Variants in GCM2 observed in about 807,000 individuals in gnomAD.
The protein encoded by GCM2 is GCM transcription factor 2.
Under a neutral mutation model 24.8 loss-of-function variants are expected in GCM2, and 21 were observed. The observed-to-expected ratio is 0.85, with a 90% CI of 0.60 to 1.22. The LOEUF is 1.22. Ranked by LOEUF, GCM2 falls within the 50% of genes most tolerant of loss-of-function variation. GCM2 has a pLI of 0.00. For synonymous variants in GCM2, 222 were observed against 238.0 expected, an observed-to-expected ratio of 0.93 and a Z score of 0.62; for missense variants, 532 against 645.6, an observed-to-expected ratio of 0.82 and a Z score of 1.91.
Position 10,877,404 on chromosome 6 carries a change from C to A in GCM2, c.91-12G>T. On this transcript the variant is annotated splice_polypyrimidine_tract_variant and intron_variant, in intron 1 of 4. Transcript: ENST00000379491. ...AAGAGGGCCAGCTCCTGGAAGAGTG[C>A]AGAAGGAAGGGTGGTCAGTCTATCC... 1 of 1,614,058 alleles carries A rather than the reference C, an allele frequency of 6.2e-7. No individual in the cohort carries two copies. Among genetic ancestry groups the A allele is most frequent in the Non-Finnish European group, 8.5e-7 (1 of 1,179,952 alleles).
intron 1 of GCM2, among the ~76,000 whole-genome samples, chr6:10,879,078 AGATATTGTT>A (rs1375106796): frequency 6.6e-6 from 1 of 152,230 alleles, no homozygotes; most frequent in Non-Finnish European, 1.5e-5. Context: ...AAAATTACAA[AGATATTGTT>A]GAAATCATTA....
At position 10,874,253 on chromosome 6, in the gene GCM2, A is replaced by C. The variant is rs1466832750; in HGVS notation, c.1263T>G (p.Thr421=). 2 of 1,614,204 alleles carry C rather than the reference A, an allele frequency of 1.2e-6. No individual in the cohort carries two copies. Among genetic ancestry groups the C allele is most frequent in the Admixed American group, 1.7e-5 (1 of 60,032 alleles). The change falls in exon 5 of 5, where the codon ACT becomes ACG. Residue 421 remains threonine (T), a synonymous_variant. Transcript: ENST00000379491. ...AGGGTTCTGGATAGACAGACATCCC[A>C]GTATCTTCAGGAGCATAGTTACAGC... ...LSSCNYAPED[T]GMSVYPEPWG...
intron 1 of GCM2, among the ~76,000 whole-genome samples, chr6:10,877,667 G>A (rs1202966555): frequency 6.6e-6 from 1 of 152,126 alleles, no homozygotes; most frequent in Non-Finnish European, 1.5e-5. Context: ...TGCCGATGAG[G>A]ACATGGAGGC....
intron 1 of GCM2, among the ~76,000 whole-genome samples, chr6:10,878,526 C>G (rs976568976): frequency 6.6e-6 from 1 of 152,052 alleles, no homozygotes; most frequent in African/African-American, 2.4e-5. Flanking sequence ...ACCATGTTGG[C>G]CAGGATGGTC....
rs150947820 is a variant in GCM2, at chr6:10,874,962, C to T, written c.583-29G>A. The T allele has an allele frequency of 4.5e-4, 656 of 1,473,932 alleles. 4 individuals carry two copies. The East Asian group carries it at 4.5e-3, about 10-fold the overall frequency. The allele number at this position is 1,473,932 out of a possible 1,614,324, so 91.3% of individuals were successfully genotyped here. A position where few individuals can be genotyped will look rare whatever the true frequency, so the allele number is the denominator to read the frequency against. On this transcript the variant is annotated intron_variant, in intron 4 of 4. Coordinates refer to ENST00000379491, the MANE Select transcript of GCM2 (RefSeq NM_004752.4). ...GAAAAATGATACAAACATAGACACA[C>T]GCTATGTAAATCGTGTGGACACCCT...
chr6:10,877,548 C>T (rs1779902122), intron 1 of GCM2, among the ~76,000 whole-genome samples, 156 bp from the exon 2 acceptor site: 1 of 152,236 alleles, frequency 6.6e-6, no homozygotes, highest in Non-Finnish European at 1.5e-5. Flanking sequence ...TGTAAGACTT[C>T]CTGACAACCA....
chr6:10,881,836 TA>T lies in GCM2; in HGVS notation c.-44del. The T allele has an allele frequency of 1.3e-6, 2 of 1,549,796 alleles. No homozygotes were observed. Among genetic ancestry groups the T allele is most frequent in the Non-Finnish European group, 8.8e-7 (1 of 1,133,266 alleles). ...GCTTTCCGCCCAGGGTTCTGAAAAA[TA>T]GAAGAAAAAAGGACAGGTGCGCCAG... On this transcript the variant is annotated 5_prime_UTR_variant, in exon 1 of 5. Coordinates refer to ENST00000379491, the MANE Select transcript of GCM2 (RefSeq NM_004752.4).
rs768610912 is a variant in GCM2 at position 10,877,175 on chromosome 6, G to A, written c.308C>T (p.Pro103Leu). The A allele has an allele frequency of 3.1e-6, 5 of 1,613,386 alleles. No homozygotes were observed. Among genetic ancestry groups the A allele is most frequent in the East Asian group, 2.2e-5 (1 of 44,894 alleles). ...LPDGSRLQLR[P>L]AICDKARLKQ... is the part of the protein sequence containing the mutation. Reference sequence around the variant, plus strand: ...CAGCCGTGCCTTGTCGCAGATGGCCGGCCTCAGCTGCAGGCGGGAACCGTC... The same window carrying A: ...CAGCCGTGCCTTGTCGCAGATGGCCAGCCTCAGCTGCAGGCGGGAACCGTC... Residue 103 changes from proline (P) to leucine (L), a missense_variant, in exon 2 of 5, where the codon CCG becomes CTG. Physicochemically the swap from Pro to Leu is moderately conservative, Grantham distance 98. Transcript: ENST00000379491.
chr6:10,877,403 G>A lies in GCM2; in HGVS notation c.91-11C>T, dbSNP rs184411078. ...AAAGAGGGCCAGCTCCTGGAAGAGTGCAGAAGGAAGGGTGGTCAGTCTATC... is the reference window on the plus strand; with the variant it reads ...AAAGAGGGCCAGCTCCTGGAAGAGTACAGAAGGAAGGGTGGTCAGTCTATC... On this transcript the variant is annotated splice_polypyrimidine_tract_variant and intron_variant, in intron 1 of 4. Transcript: ENST00000379491. 233 of 1,614,066 alleles carry A rather than the reference G, an allele frequency of 1.4e-4. No individual in the cohort carries two copies. The African/African-American group carries it at 2.4e-3, about 17-fold the overall frequency.
At chr6:10,877,583 G>A (rs1779902603) in intron 1 of GCM2, among the ~76,000 whole-genome samples, 191 bp from the exon 2 acceptor site, 1 of 152,200 alleles carries the variant, frequency 6.6e-6, no homozygotes, top group African/African-American at 2.4e-5. Context: ...TTTATATAGT[G>A]CTTATCTGTT....
intron 4 of GCM2, among the ~76,000 whole-genome samples, chr6:10,875,403 C>G (rs1451303907): frequency 6.6e-6 from 1 of 152,160 alleles, no homozygotes; most frequent in African/African-American, 2.4e-5. Flanking sequence ...AGACCAGTGC[C>G]TGGCACATAG....
At chr6:10,876,890 C>T (rs1288393230) in intron 2 of GCM2, among the ~76,000 whole-genome samples, 1 of 152,104 alleles carries the variant, frequency 6.6e-6, no homozygotes, top group Non-Finnish European at 1.5e-5. Flanking sequence ...ATGGAGAAAC[C>T]CTGTCTCTAC....
chr6:10,874,373 G>A lies in GCM2; in HGVS notation c.1143C>T (p.Thr381=), dbSNP rs371580994. 46 of 1,614,110 alleles carry A rather than the reference G, an allele frequency of 2.8e-5. No homozygotes were observed. The highest frequency in any genetic ancestry group is 4.5e-5 in the East Asian group (2 of 44,900). Residue 381 remains threonine (T), a synonymous_variant, in exon 5 of 5, where the codon ACC becomes ACT. Transcript: ENST00000379491. ...TPPPGAPALQ[T]VITTTTKVSY... is the part of the protein sequence containing the mutation. ...ACACTTTAGTGGTGGTGGTGATCAC[G>A]GTTTGTAGGGCAGGGGCACCTGGTG...
At chr6:10,876,849 A>G (rs897060206) in intron 2 of GCM2, among the ~76,000 whole-genome samples, 16 of 152,300 alleles carry the variant, frequency 1.1e-4, no homozygotes, top group African/African-American at 3.8e-4. Flanking sequence ...AGATCACCTG[A>G]TGTCGGGAGT....
rs1057519582 is a variant in GCM2 at position 10,874,380 on chromosome 6, A to T, written c.1136T>A (p.Leu379Gln). 1 of 1,614,178 alleles carries T rather than the reference A, an allele frequency of 6.2e-7. No homozygotes were observed. Among genetic ancestry groups the T allele is most frequent in the Non-Finnish European group, 8.5e-7 (1 of 1,180,018 alleles). ...LTTPPPGAPALQTVITTTTKV... is the reference protein window; with the variant it reads ...LTTPPPGAPAQQTVITTTTKV... ...AGTGGTGGTGGTGATCACGGTTTGT[A>T]GGGCAGGGGCACCTGGTGGTGGAGT... Residue 379 changes from leucine (L) to glutamine (Q), a missense_variant, in exon 5 of 5, where the codon CTA becomes CAA. This residue lies in a region of GCM2 where 434 missense variants were observed against 521.9 expected (regional missense o/e 0.83). Transcript: ENST00000379491.
At chr6:10,875,083 C>T (rs1779858339) in intron 4 of GCM2, 150 bp from the exon 5 acceptor site, 4 of 691,822 alleles carry the variant, frequency 5.8e-6, no homozygotes, top group South Asian at 3.2e-5. Flanking sequence ...GTGATGTAAG[C>T]ACGTGGTCCA....
At chr6:10,875,038 G>A (rs1779857449) in intron 4 of GCM2, 105 bp from the exon 5 acceptor site, 1 of 846,522 alleles carries the variant, frequency 1.2e-6, no homozygotes, top group Non-Finnish European at 2.0e-6. Flanking sequence ...CCATGTGCTG[G>A]GCTCTGTGTT....
At chr6:10,881,632 G>A in intron 1 of GCM2, 72 bp downstream of exon 1, 1 of 915,140 alleles carries the variant, frequency 1.1e-6, no homozygotes, top group Non-Finnish European at 1.7e-6. Flanking sequence ...GACTCTTCAA[G>A]AACTCGAATG....
chr6:10,879,304 C>A (rs1779924964), intron 1 of GCM2, among the ~76,000 whole-genome samples: 1 of 152,176 alleles, frequency 6.6e-6, no homozygotes, highest in South Asian at 2.1e-4. Flanking sequence ...AACAGCATTT[C>A]TTTAGCTCTC....
Sources: gnomAD v4.1 joint callset for allele counts (sites outside exome capture counted in the v4.1 genomes callset) on GRCh38, gnomAD v4.1.1 for gene constraint, gnomAD v4.1.1 regional missense constraint, MANE v1.5 for transcripts, NCBI Gene and HGNC (gene_info 2026-07-23, HGNC 2026-07-21) for gene names.